Variants in SHANK2 observed in about 807,000 individuals in gnomAD.
SHANK2 encodes the protein SH3 and multiple ankyrin repeat domains protein 2.
Under a neutral mutation model 133.7 loss-of-function variants are expected in SHANK2, and 43 were observed. That is an observed-to-expected ratio of 0.32 (90% CI 0.25 to 0.41). The LOEUF (loss-of-function observed/expected upper bound fraction) is 0.41. Ranked by LOEUF, SHANK2 falls within the 10% of genes least tolerant of loss-of-function variation. The pLI is 1.00. For synonymous variants in SHANK2, 1,017 were observed against 952.8 expected, an observed-to-expected ratio of 1.07 and a Z score of -1.24; for missense variants, 1,994 against 2,235.8, an observed-to-expected ratio of 0.89 and a Z score of 2.18.
chr11:70,598,926 CA>C lies in SHANK2; in HGVS notation c.2061+60901del, dbSNP rs61220609. Among the ~76,000 whole-genome samples the C allele has an allele frequency of 3.5e-3, 391 of 113,064 alleles. 3 individuals carry two copies. Among genetic ancestry groups the C allele is most frequent in the Middle Eastern group, 0.029 (6 of 208 alleles). 74.2% of individuals were successfully genotyped at this position (113,064 alleles called of 152,430 possible). The stretch of plus-strand genomic sequence containing the variant: ...TACTTTAACCTGATAAGCTGCATGT[CA>C]AAAAAAAAAAAAAAAGACTAGAGTC... On this transcript the variant is annotated intron_variant, in intron 17 of 25. Transcript: ENST00000601538.
At chr11:71,242,668 G>A (rs782197346) in intron 1 of SHANK2, among the ~76,000 whole-genome samples, 5 of 152,090 alleles carry the variant, frequency 3.3e-5, no homozygotes, top group East Asian at 1.9e-4. Context: ...CGAGGATGTC[G>A]ACCCTACAAG....
At chr11:70,626,502 G>T (rs1353207743) in intron 17 of SHANK2, among the ~76,000 whole-genome samples, 1 of 152,138 alleles carries the variant, frequency 6.6e-6, no homozygotes. Flanking sequence ...CAAGCTTTAC[G>T]CCACAAAGCC....
At chr11:70,874,239 T>C (rs782228362) in intron 11 of SHANK2, among the ~76,000 whole-genome samples, 1 of 152,054 alleles carries the variant, frequency 6.6e-6, no homozygotes, top group African/African-American at 2.4e-5. Flanking sequence ...CATTCACCCA[T>C]CCAGCTATCC....
intron 10 of SHANK2, among the ~76,000 whole-genome samples, chr11:70,933,477 A>G (rs1565413884): frequency 6.6e-6 from 1 of 152,248 alleles, no homozygotes; most frequent in African/African-American, 2.4e-5. Context: ...ATGCCACTGA[A>G]GGGCATGCTG....
At chr11:70,622,892 C>T (rs996799253) in intron 17 of SHANK2, among the ~76,000 whole-genome samples, 2 of 151,708 alleles carry the variant, frequency 1.3e-5, no homozygotes, top group Non-Finnish European at 1.5e-5. Context: ...AATTCTTCTC[C>T]ACAGCCAGGT....
At chr11:71,152,919 G>A (rs1952824925) in intron 2 of SHANK2, among the ~76,000 whole-genome samples, 1 of 152,186 alleles carries the variant, frequency 6.6e-6, no homozygotes, top group Non-Finnish European at 1.5e-5. Context: ...GAGCCACCAG[G>A]CAAGGCAGAA....
intron 2 of SHANK2, among the ~76,000 whole-genome samples, chr11:71,199,993 A>T (rs2135623938): frequency 6.6e-6 from 1 of 152,350 alleles, no homozygotes; most frequent in Non-Finnish European, 1.5e-5. Flanking sequence ...TTTTAGACAG[A>T]TAAAATTCAC....
In SHANK2 at chr11:70,471,325, A is replaced by ATAAT. The variant is rs1555148479; in HGVS notation, c.*1540_*1543dup. On this transcript the variant is annotated 3_prime_UTR_variant, in exon 26 of 26. Transcript: ENST00000601538. This position sits in a 1 kb window ranked among gnomAD's most constrained non-coding sequence, Gnocchi z 4.1. ...GATGGGCTGAGCTAGTTCTGAAATA[A>ATAAT]TAATAAAACCAAAAACCTGACATTC... 1 of 398,912 alleles carries ATAAT rather than the reference A, an allele frequency of 2.5e-6. No homozygotes were observed. Among genetic ancestry groups the ATAAT allele is most frequent in the African/African-American group, 2.1e-5 (1 of 48,610 alleles). The allele number at this position is 398,912 out of a possible 1,614,324, so 24.7% of individuals were successfully genotyped here.
intron 17 of SHANK2, among the ~76,000 whole-genome samples, chr11:70,579,851 G>T (rs1401991669): frequency 6.6e-6 from 1 of 152,236 alleles, no homozygotes; most frequent in Non-Finnish European, 1.5e-5. Context: ...AGCTGGAGAG[G>T]TGAGGATGGA....
chr11:70,521,315 C>T (rs989752392), intron 17 of SHANK2, among the ~76,000 whole-genome samples: 1 of 152,182 alleles, frequency 6.6e-6, no homozygotes, highest in Non-Finnish European at 1.5e-5. Context: ...AACAGGATTA[C>T]CGAAAAGAGG....
In SHANK2 at chr11:71,118,919, G is replaced by A. The variant is rs1209952126; in HGVS notation, c.321C>T (p.Ala107=). ...DVLNYGLFQP[A]SNGRDGKFLD... is the part of the protein sequence containing the mutation. Reference sequence around the variant, plus strand: ...GGAACTTGCCGTCACGCCCATTGCTGGCCGGCTGGAACAGGCCGTAGTTCA... The same window carrying A: ...GGAACTTGCCGTCACGCCCATTGCTAGCCGGCTGGAACAGGCCGTAGTTCA... The change falls in exon 4 of 26, where the codon GCC becomes GCT. Residue 107 remains alanine, a synonymous_variant. Transcript: ENST00000601538. 6 of 1,551,658 alleles carry A rather than the reference G, an allele frequency of 3.9e-6. No individual in the cohort carries two copies. The African/African-American group carries it at 4.1e-5, about 11-fold the overall frequency.
At chr11:70,875,447 C>T (rs1307528487) in intron 11 of SHANK2, among the ~76,000 whole-genome samples, 1 of 151,984 alleles carries the variant, frequency 6.6e-6, no homozygotes, top group African/African-American at 2.4e-5. Context: ...AAGGCGTGAA[C>T]CCGGGAGTGG....
intron 14 of SHANK2, among the ~76,000 whole-genome samples, chr11:70,711,915 G>A (rs1555026227): frequency 6.6e-6 from 1 of 152,302 alleles, no homozygotes; most frequent in South Asian, 2.1e-4. Flanking sequence ...CACAGCACAC[G>A]GACCTCGTGG....
At chr11:70,819,229 G>A (rs1418369035) in intron 12 of SHANK2, among the ~76,000 whole-genome samples, 4 of 152,270 alleles carry the variant, frequency 2.6e-5, no homozygotes, top group Non-Finnish European at 5.9e-5. Context: ...AGATGCCAGA[G>A]CCAGGGGCCT....
intron 11 of SHANK2, among the ~76,000 whole-genome samples, chr11:70,825,817 C>T (rs949459085): frequency 6.6e-6 from 1 of 151,978 alleles, no homozygotes; most frequent in Non-Finnish European, 1.5e-5. Context: ...TGTTTTCTGT[C>T]TGAAAATGAT....
chr11:71,065,882 G>A (rs1247815995), intron 9 of SHANK2, among the ~76,000 whole-genome samples: 8 of 131,316 alleles, frequency 6.1e-5, no homozygotes, highest in African/African-American at 1.7e-4. Flanking sequence ...GGGAAGTTGG[G>A]GGGGATACAG....
chr11:70,525,236 G>C (rs1480145529), intron 17 of SHANK2, among the ~76,000 whole-genome samples: 1 of 152,226 alleles, frequency 6.6e-6, no homozygotes, highest in Admixed American at 6.5e-5. Context: ...CTTCTTCTGG[G>C]AAACACCTCT....
At chr11:71,145,900 A>T (rs1393065050) in intron 3 of SHANK2, among the ~76,000 whole-genome samples, 3 of 152,022 alleles carry the variant, frequency 2.0e-5, no homozygotes, top group Non-Finnish European at 4.4e-5. Flanking sequence ...CATTCCTTTA[A>T]CCCAAAGCTA....
At chr11:70,651,646 G>A (rs937624329) in intron 17 of SHANK2, among the ~76,000 whole-genome samples, 6 of 152,176 alleles carry the variant, frequency 3.9e-5, no homozygotes, top group Admixed American at 6.5e-5. Context: ...CTGACGACAC[G>A]GTGAGAAGCC....
Sources: gnomAD v4.1 joint callset for allele counts (sites outside exome capture counted in the v4.1 genomes callset) on GRCh38, gnomAD v4.1.1 for gene constraint, Gnocchi (gnomAD v3.1) non-coding constraint, MANE v1.5 for transcripts, NCBI Gene and HGNC (gene_info 2026-07-23, HGNC 2026-07-21) for gene names.